The following FRS2 variants were observed in gnomAD, a reference collection of about 807,000 sequenced individuals.
The protein encoded by FRS2 is fibroblast growth factor receptor substrate 2.
In FRS2, 8 loss-of-function variants were observed where a neutral mutation model predicts 43.9. The observed-to-expected ratio is 0.18, with a 90% CI of 0.11 to 0.33. The LOEUF is 0.33. Ranked by LOEUF, FRS2 falls within the 10% of genes least tolerant of loss-of-function variation. The probability of loss-of-function intolerance (pLI) is 1.00; values close to 1 mark genes in which losing one functional copy is unlikely to be tolerated. For missense variants in FRS2, 534 were observed against 627.6 expected (o/e 0.85, Z 1.59); for synonymous variants, 219 against 220.3 (o/e 0.99, Z 0.05).
In FRS2 at chr12:69,491,623, C is replaced by T. The variant is rs572888948; in HGVS notation, c.-261+21093C>T. 1.0e-3 allele frequency: 155 copies of T among 150,368 alleles called. 1 individual carries two copies. In the South Asian group the frequency reaches 0.011, roughly 11 times the overall value. The allele number at this position is 150,368 out of a possible 1,614,324, so 9.3% of individuals were successfully genotyped here. On this transcript the variant is annotated intron_variant, in intron 1 of 8. Coordinates refer to ENST00000549921, the MANE Select transcript of FRS2 (RefSeq NM_001278356.2). ...TCAAGCGATCATTCTGACTCAGCCT[C>T]CCAAGTAGGTAGGACCACAGGTGTA...
rs1881205980 is a variant in FRS2, at chr12:69,576,534, A to G, written c.*1579A>G. The G allele has an allele frequency of 6.6e-6, 1 of 152,206 alleles. No homozygotes were observed. The highest frequency in any genetic ancestry group is 2.1e-4 in the South Asian group (1 of 4,838). 9.4% of individuals were successfully genotyped at this position (152,206 alleles called of 1,614,324 possible). Reference sequence around the variant, plus strand: ...TTACTATTTTCTCTAAATATGAGGAAGTTTGAGATTATGATCTGGATCTAC... The same window carrying G: ...TTACTATTTTCTCTAAATATGAGGAGGTTTGAGATTATGATCTGGATCTAC... On this transcript the variant is annotated 3_prime_UTR_variant, in exon 9 of 9. Coordinates refer to ENST00000549921, the MANE Select transcript of FRS2 (RefSeq NM_001278356.2).
intron 1 of FRS2, among the ~76,000 whole-genome samples, chr12:69,510,714 G>A (rs972577548): frequency 4.6e-5 from 7 of 152,228 alleles, no homozygotes; most frequent in African/African-American, 1.7e-4. Flanking sequence ...CTTTGCCTGT[G>A]AAATAGAGAC....
At position 69,578,781 on chromosome 12, in the gene FRS2, C is replaced by T. The variant is rs1881358961; in HGVS notation, c.*3826C>T. 1 of 152,520 alleles carries T rather than the reference C, an allele frequency of 6.6e-6. No individual in the cohort carries two copies. The highest frequency in any genetic ancestry group is 1.5e-5 in the Non-Finnish European group (1 of 68,014). 9.4% of individuals were successfully genotyped at this position (152,520 alleles called of 1,614,324 possible). A position where few individuals can be genotyped will look rare whatever the true frequency, so the allele number is the denominator to read the frequency against. ...CTACGTAAAGGCATAAATATAGCAACTTTGTATAAAGGTAGCTTATTAGAT... is the reference window on the plus strand; with the variant it reads ...CTACGTAAAGGCATAAATATAGCAATTTTGTATAAAGGTAGCTTATTAGAT... On this transcript the variant is annotated 3_prime_UTR_variant, in exon 9 of 9. Coordinates refer to ENST00000549921, the MANE Select transcript of FRS2 (RefSeq NM_001278356.2).
At chr12:69,541,497 C>T (rs1159336369) in intron 3 of FRS2, among the ~76,000 whole-genome samples, 1 of 152,018 alleles carries the variant, frequency 6.6e-6, no homozygotes, top group Non-Finnish European at 1.5e-5. Flanking sequence ...TATTATTAGG[C>T]CCAGTTAGTC....
intron 3 of FRS2, among the ~76,000 whole-genome samples, chr12:69,545,768 A>AC (rs1878333527): frequency 7.0e-6 from 1 of 143,138 alleles, no homozygotes; most frequent in Non-Finnish European, 1.6e-5. Flanking sequence ...AAAAAAAAAA[A>AC]AAAAAAAAAA....
chr12:69,573,960 G>GT (rs1223034493), intron 8 of FRS2, 45 bp from the exon 9 acceptor site: 9 of 1,346,538 alleles, frequency 6.7e-6, no homozygotes, highest in Non-Finnish European at 9.2e-6. Flanking sequence ...TTTCAGTTTT[G>GT]TTTTTTTAAG....
At chr12:69,531,731 C>T (rs140526332) in intron 2 of FRS2, among the ~76,000 whole-genome samples, 252 of 151,244 alleles carry the variant, frequency 1.7e-3, no homozygotes, top group Middle Eastern at 6.9e-3. Context: ...TTTGACTTAA[C>T]AGCTGTTTTA....
chr12:69,551,603 T>C (rs1446614197), intron 3 of FRS2, among the ~76,000 whole-genome samples: 1 of 152,214 alleles, frequency 6.6e-6, no homozygotes, highest in Admixed American at 6.5e-5. Flanking sequence ...TAAATTTGGC[T>C]TCTAGTAAAA....
intron 1 of FRS2, among the ~76,000 whole-genome samples, chr12:69,497,187 CAACA>C (rs1872980462): frequency 6.6e-6 from 1 of 152,026 alleles, no homozygotes; most frequent in African/African-American, 2.4e-5. Flanking sequence ...TAGAAAGAGA[CAACA>C]AACAGATATA....
At chr12:69,532,550 G>C (rs1462782277) in intron 3 of FRS2, among the ~76,000 whole-genome samples, 2 of 152,122 alleles carry the variant, frequency 1.3e-5, no homozygotes, top group Non-Finnish European at 2.9e-5. Context: ...GCTGAGCAAA[G>C]CTTCTTTTAT....
Position 69,574,779 on chromosome 12 carries a change from C to T in FRS2, c.1351C>T (p.Gln451Ter). 1 of 1,614,142 alleles carries T rather than the reference C, an allele frequency of 6.2e-7. No individual in the cohort carries two copies. The highest frequency in any genetic ancestry group is 8.5e-7 in the Non-Finnish European group (1 of 1,180,030). ...AGGTGGCAGTGACTCTGACAACCCT[C>T]AGACTCCAAAAACGCCTACAACTCC... ...LEGGSDSDNP[Q>*]TPKTPTTPLP... Residue 451 changes from glutamine to a stop codon, truncating the protein, a stop_gained, in exon 9 of 9, where the codon CAG becomes TAG. Transcript: ENST00000549921. LOFTEE classifies it high-confidence loss of function.
intron 1 of FRS2, among the ~76,000 whole-genome samples, chr12:69,482,775 G>T (rs1034324933): frequency 6.6e-6 from 1 of 152,142 alleles, no homozygotes; most frequent in Non-Finnish European, 1.5e-5. Context: ...AGGCTTTGAG[G>T]TTCAAAACTA....
intron 3 of FRS2, among the ~76,000 whole-genome samples, chr12:69,558,183 A>T (rs1296785641): frequency 6.6e-6 from 1 of 152,242 alleles, no homozygotes; most frequent in Non-Finnish European, 1.5e-5. Context: ...TTGTACAGTG[A>T]CACTGCAAGT....
chr12:69,554,046 CTCA>C (rs1317769618), intron 3 of FRS2, among the ~76,000 whole-genome samples: 7 of 152,284 alleles, frequency 4.6e-5, no homozygotes, highest in African/African-American at 1.7e-4. Context: ...CCAGCATTTA[CTCA>C]TTAGAGTTTC....
At chr12:69,557,977 G>A (rs553054171) in intron 3 of FRS2, 5 of 151,294 alleles carry the variant, frequency 3.3e-5, no homozygotes, top group East Asian at 4.0e-4. Context: ...ACACAAAATT[G>A]TTTTATATAT....
chr12:69,520,503 CA>C (rs1265704982), intron 1 of FRS2, among the ~76,000 whole-genome samples: 1 of 151,626 alleles, frequency 6.6e-6, no homozygotes, highest in Non-Finnish European at 1.5e-5. Flanking sequence ...TTCCTATGTC[CA>C]GAATGATATT....
At chr12:69,523,351 G>A (rs989632161) in intron 1 of FRS2, among the ~76,000 whole-genome samples, 1 of 152,054 alleles carries the variant, frequency 6.6e-6, no homozygotes, top group Non-Finnish European at 1.5e-5. Flanking sequence ...TGTCTTTTTT[G>A]ATCTTTGTTG....
intron 1 of FRS2, among the ~76,000 whole-genome samples, chr12:69,476,753 C>CGGGGGGGGGGTGGGGGGGGGGGGG (rs60543134): frequency 3.7e-5 from 3 of 80,110 alleles, no homozygotes; most frequent in Non-Finnish European, 5.1e-5. Flanking sequence ...GGGGGAGGGA[C>CGGGGGGGGGGTGGGGGGGGGGGGG]GGGGGGGGGT....
intron 1 of FRS2, among the ~76,000 whole-genome samples, chr12:69,519,107 A>G (rs1293331607): frequency 6.6e-6 from 1 of 152,126 alleles, no homozygotes; most frequent in Non-Finnish European, 1.5e-5. Context: ...TACAAATTGC[A>G]TCCACTTCTG....
Sources: gnomAD v4.1 joint callset for allele counts (sites outside exome capture counted in the v4.1 genomes callset) on GRCh38, gnomAD v4.1.1 for gene constraint, MANE v1.5 for transcripts, NCBI Gene and HGNC (gene_info 2026-07-23, HGNC 2026-07-21) for gene names.